Variants in DOCK4 observed in about 807,000 individuals in gnomAD.
DOCK4 encodes dedicator of cytokinesis protein 4.
In DOCK4, 97 loss-of-function variants were observed where a neutral mutation model predicts 268.1. The observed-to-expected ratio is 0.36, with a 90% CI of 0.31 to 0.43. The LOEUF is 0.43. Among genes scored for constraint, DOCK4 ranks in the 20% least tolerant of loss-of-function variants. The pLI is 1.00. For missense variants in DOCK4, 2,145 were observed against 2,455.7 expected (o/e 0.87, Z 2.67); for synonymous variants, 954 against 887.2 (o/e 1.08, Z -1.34).
rs1554380830 is a variant in DOCK4 at position 111,933,298 on chromosome 7, A to ATATAT, written c.1066+2241_1066+2242insATATA. On this transcript the variant is annotated intron_variant, in intron 12 of 52. Coordinates refer to ENST00000428084, the MANE Select transcript of DOCK4 (RefSeq NM_001363540.2). ...TATATACATATATATATATATATAT[A>ATATAT]TTTTTTTTTTTTTTTGAGATGGAGT... Among the ~76,000 whole-genome samples, 54 of 74,824 alleles carry ATATAT rather than the reference A, an allele frequency of 7.2e-4. 1 individual carries two copies. The highest frequency in any genetic ancestry group is 2.1e-3 in the Admixed American group (17 of 8,092). 49.1% of individuals were successfully genotyped at this position (74,824 alleles called of 152,430 possible).
intron 1 of DOCK4, among the ~76,000 whole-genome samples, chr7:112,047,761 T>C (rs1804951943): frequency 6.6e-6 from 1 of 152,192 alleles, no homozygotes; most frequent in Non-Finnish European, 1.5e-5. Flanking sequence ...GGCATGATTA[T>C]AGCTCACCAC....
chr7:111,838,575 G>A (rs1402219713), intron 25 of DOCK4, among the ~76,000 whole-genome samples: 3 of 152,194 alleles, frequency 2.0e-5, no homozygotes, highest in Non-Finnish European at 4.4e-5. Flanking sequence ...AAAAAACTAT[G>A]TAGTATATGA....
In DOCK4 at chr7:111,790,501, C is replaced by A; in HGVS notation, c.3271G>T (p.Asp1091Tyr). The stretch of plus-strand genomic sequence containing the variant: ...CGCCTCTGCTCCCAGTCCATCATAT[C>A]ATGAAAAATTGGAATCATGACATTC... ...LRNVMIPIFH[D>Y]MMDWEQRRSG... The change falls in exon 31 of 53, where the codon GAT (aspartate) becomes TAT (tyrosine). Residue 1091 changes from aspartate to tyrosine, a missense_variant. Transcript: ENST00000428084. 1 of 1,613,916 alleles carries A rather than the reference C, an allele frequency of 6.2e-7. No homozygotes were observed. The highest frequency in any genetic ancestry group is 1.1e-5 in the South Asian group (1 of 91,068).
chr7:111,759,779 A>T (rs1797260096), intron 40 of DOCK4, among the ~76,000 whole-genome samples: 1 of 115,240 alleles, frequency 8.7e-6, no homozygotes, highest in Non-Finnish European at 1.7e-5. Context: ...CCAGAATACA[A>T]ATAATCAGGG....
At chr7:111,933,443 C>T (rs991199015) in intron 12 of DOCK4, among the ~76,000 whole-genome samples, 8 of 150,952 alleles carry the variant, frequency 5.3e-5, no homozygotes, top group African/African-American at 9.8e-5. Context: ...TACAGGCACG[C>T]GCCACCAGGC....
chr7:112,034,912 C>A (rs1803613182), intron 1 of DOCK4, among the ~76,000 whole-genome samples: 1 of 152,010 alleles, frequency 6.6e-6, no homozygotes, highest in Non-Finnish European at 1.5e-5. Context: ...TCAAAACAAA[C>A]AAACAAACAA....
chr7:112,000,561 T>G (rs1800339949), intron 2 of DOCK4, 27 bp from the exon 3 acceptor site: 2 of 1,500,794 alleles, frequency 1.3e-6, no homozygotes, highest in East Asian at 2.3e-5. Context: ...ATGGTCATAT[T>G]TTGATAAACC....
intron 17 of DOCK4, among the ~76,000 whole-genome samples, chr7:111,873,272 C>T (rs187625212): frequency 2.0e-5 from 3 of 152,330 alleles, no homozygotes; most frequent in Non-Finnish European, 2.9e-5. Context: ...CTTAGAGAAC[C>T]TCTTCACCTG....
rs113207446 is a variant in DOCK4, at chr7:111,730,635, T to TAA, written c.5481+1589_5481+1590dup. ...CCCACAGTTTGATGGCTGGCTGGGG[T>TAA]AAAAAAAAAACCCAAAACCCCACTA... On this transcript the variant is annotated intron_variant, in intron 52 of 52. Coordinates refer to ENST00000428084, the MANE Select transcript of DOCK4 (RefSeq NM_001363540.2). Among the ~76,000 whole-genome samples the TAA allele has an allele frequency of 2.1e-3, 304 of 147,460 alleles. 1 individual carries two copies. Among genetic ancestry groups the TAA allele is most frequent in the African/African-American group, 7.0e-3 (282 of 40,456 alleles).
At chr7:112,142,736 A>G (rs1815056496) in intron 1 of DOCK4, among the ~76,000 whole-genome samples, 1 of 152,090 alleles carries the variant, frequency 6.6e-6, no homozygotes, top group Non-Finnish European at 1.5e-5. Flanking sequence ...TCATTCACAT[A>G]CATGTGCAAG....
At chr7:111,958,246 T>C (rs886492605) in intron 8 of DOCK4, among the ~76,000 whole-genome samples, 15 of 152,138 alleles carry the variant, frequency 9.9e-5, no homozygotes, top group African/African-American at 4.8e-5. Flanking sequence ...ATCTAGATGA[T>C]GAGTGGGCAA....
chr7:112,140,510 A>G (rs1478141442), intron 1 of DOCK4, among the ~76,000 whole-genome samples: 1 of 152,116 alleles, frequency 6.6e-6, no homozygotes, highest in Non-Finnish European at 1.5e-5. Flanking sequence ...CATGGAAACA[A>G]ACCACATTTC....
At chr7:112,121,421 C>G (rs1231626228) in intron 1 of DOCK4, among the ~76,000 whole-genome samples, 1 of 152,226 alleles carries the variant, frequency 6.6e-6, no homozygotes, top group Non-Finnish European at 1.5e-5. Context: ...CCATCTCCAT[C>G]AACAAAACGT....
At chr7:112,024,160 C>T (rs777426987) in intron 1 of DOCK4, among the ~76,000 whole-genome samples, 1 of 152,108 alleles carries the variant, frequency 6.6e-6, no homozygotes, top group Non-Finnish European at 1.5e-5. Flanking sequence ...CATAAAATGA[C>T]TTCATAAAAA....
chr7:111,853,360 G>C (rs1219295930), intron 23 of DOCK4, among the ~76,000 whole-genome samples: 2 of 152,176 alleles, frequency 1.3e-5, no homozygotes, highest in African/African-American at 4.8e-5. Flanking sequence ...TCAGTACGGG[G>C]AGATTGTAAA....
chr7:112,049,270 A>G (rs1563032593), intron 1 of DOCK4, among the ~76,000 whole-genome samples: 3 of 152,188 alleles, frequency 2.0e-5, no homozygotes, highest in African/African-American at 7.2e-5. Flanking sequence ...GAGAAATGGA[A>G]GTATATTATT....
At chr7:111,751,441 A>C (rs956499872) in intron 42 of DOCK4, among the ~76,000 whole-genome samples, 1 of 147,686 alleles carries the variant, frequency 6.8e-6, no homozygotes, top group African/African-American at 2.5e-5. Flanking sequence ...GAGTAAAAAT[A>C]TTTTTTTTTT....
chr7:112,199,544 A>G (rs1820738716), intron 1 of DOCK4, among the ~76,000 whole-genome samples: 1 of 152,182 alleles, frequency 6.6e-6, no homozygotes, highest in Non-Finnish European at 1.5e-5. Context: ...AAGTAAGTTT[A>G]AGTTGCTTAA....
intron 1 of DOCK4, among the ~76,000 whole-genome samples, chr7:112,073,457 ATACATGTAT>A (rs1807783537): frequency 6.6e-6 from 1 of 152,150 alleles, no homozygotes; most frequent in South Asian, 2.1e-4. Flanking sequence ...ATGTAAAATA[ATACATGTAT>A]TACATGTATT....
Sources: gnomAD v4.1 joint callset for allele counts (sites outside exome capture counted in the v4.1 genomes callset) on GRCh38, gnomAD v4.1.1 for gene constraint, MANE v1.5 for transcripts, NCBI Gene and HGNC (gene_info 2026-07-23, HGNC 2026-07-21) for gene names.